ABCA1: variants seen among roughly 807,000 people sequenced by gnomAD.
The protein encoded by ABCA1 is phospholipid-transporting ATPase ABCA1.
A neutral mutation model predicts 262.5 loss-of-function variants in ABCA1; 133 were observed. That is an observed-to-expected ratio of 0.51 (90% CI 0.44 to 0.59). The LOEUF (loss-of-function observed/expected upper bound fraction) is 0.59. ABCA1 is among the 20% of genes least tolerant of loss of function. ABCA1 has a pLI of 0.00. For missense variants in ABCA1, 2,452 were observed against 2,777.5 expected (o/e 0.88, Z 2.63); for synonymous variants, 1,022 against 1,043.5 (o/e 0.98, Z 0.40).
At chr9:104,833,572 G>T (rs1833536806) in intron 11 of ABCA1, among the ~76,000 whole-genome samples, 1 of 152,184 alleles carries the variant, frequency 6.6e-6, no homozygotes, top group African/African-American at 2.4e-5. Context: ...CTATTAAGTA[G>T]CAAAGCCAGA....
At position 104,796,104 on chromosome 9, in the gene ABCA1, A is replaced by G; in HGVS notation, c.5331T>C (p.Ile1777=). 1 of 1,613,576 alleles carries G rather than the reference A, an allele frequency of 6.2e-7. No individual in the cohort carries two copies. The highest frequency in any genetic ancestry group is 8.5e-7 in the Non-Finnish European group (1 of 1,180,020). ...YVVLTSVNLF[I]GINGSVATFV... ...AGGTGGCCACGCTGCCATTAATGCC[A>G]ATGAAGAGGTTCACGCTGGTGAGCA... Residue 1777 remains isoleucine, a synonymous_variant, in exon 39 of 50, where the codon ATT becomes ATC. Transcript: ENST00000374736.
chr9:104,861,587 T>C (rs913958224), intron 6 of ABCA1, 92 bp downstream of exon 6: 8 of 1,545,968 alleles, frequency 5.2e-6, no homozygotes, highest in Non-Finnish European at 7.1e-6. Context: ...TTCACCACCA[T>C]TACAAGGACA....
At chr9:104,825,438 A>G (rs889974310) in intron 17 of ABCA1, among the ~76,000 whole-genome samples, 1 of 152,262 alleles carries the variant, frequency 6.6e-6, no homozygotes, top group Non-Finnish European at 1.5e-5. Context: ...TGAGAATTAA[A>G]TGAAGCAATG....
In ABCA1 at chr9:104,831,027, T is replaced by C. The variant is rs2853578; in HGVS notation, c.1790A>G (p.Gln597Arg). 10 of 1,613,630 alleles carry C rather than the reference T, an allele frequency of 6.2e-6. No homozygotes were observed. Among genetic ancestry groups the C allele is most frequent in the Non-Finnish European group, 7.6e-6 (9 of 1,179,980 alleles). Residue 597 changes from glutamine (Q) to arginine (R), a missense_variant, in exon 14 of 50, where the codon CAG becomes CGG. Gln to Arg is a conservative substitution (Grantham distance 43). This residue lies in a region of ABCA1 where 1,032 missense variants were observed against 1,089.7 expected (regional missense o/e 0.95). Coordinates refer to ENST00000374736, the MANE Select transcript of ABCA1 (RefSeq NM_005502.4). ...GATGATTGCCTGCTCCACCACATCC[T>C]GCAAGTAGGCGAAGCCCCCCCAGAC... ...RYVWGGFAYL[Q>R]DVVEQAIIRV...
At position 104,803,313 on chromosome 9, in the gene ABCA1, T is replaced by C. The variant is rs1830496670; in HGVS notation, c.4563A>G (p.Leu1521=). The C allele has an allele frequency of 3.1e-6, 5 of 1,614,166 alleles. No homozygotes were observed. The East Asian group carries it at 8.9e-5, about 29-fold the overall frequency. The change falls in exon 33 of 50, where the codon TTA becomes TTG. Residue 1521 remains leucine, a synonymous_variant. Coordinates refer to ENST00000374736, the MANE Select transcript of ABCA1 (RefSeq NM_005502.4). The part of the protein sequence containing the change: ...KTYVQIIAKS[L]KNKIWVNEFR... ...ACTCATTCACCCAGATCTTGTTCTT[T>C]AAGCTGCAGAGACAAAGAAACAAAA... is the stretch of plus-strand genomic sequence containing the variant.
At chr9:104,829,194 G>T in intron 14 of ABCA1, 56 bp from the exon 15 acceptor site, 1 of 1,579,108 alleles carries the variant, frequency 6.3e-7, no homozygotes. Context: ...GAGCCAGGGT[G>T]ATGGGCCAAG....
chr9:104,790,758 T>C (rs1829356403), intron 44 of ABCA1, among the ~76,000 whole-genome samples, 164 bp downstream of exon 44: 1 of 152,242 alleles, frequency 6.6e-6, no homozygotes, highest in African/African-American at 2.4e-5. Flanking sequence ...TATCTCTAGA[T>C]ATTGAAATCA....
chr9:104,818,673 T>G lies in ABCA1; in HGVS notation c.3452A>C (p.Tyr1151Ser). The G allele has an allele frequency of 6.2e-7, 1 of 1,613,008 alleles. No individual in the cohort carries two copies. The highest frequency in any genetic ancestry group is 8.5e-7 in the Non-Finnish European group (1 of 1,180,006). The change falls in exon 23 of 50, where the codon TAC becomes TCC. Residue 1151 changes from tyrosine to serine, a missense_variant. Physicochemically the swap from Tyr to Ser is moderately radical, Grantham distance 144 (BLOSUM62 -2). Coordinates refer to ENST00000374736, the MANE Select transcript of ABCA1 (RefSeq NM_005502.4). Reference protein sequence around the residue: ...SCRNSSSTVSYLKKEDSVSQS... With the variant: ...SCRNSSSTVSSLKKEDSVSQS... ...AAGACTGCAGCTCACCTTTTTCAGG[T>G]ATGACACAGTGCTACTACTGTTTCT...
At chr9:104,805,601 G>T (rs549850907) in intron 31 of ABCA1, among the ~76,000 whole-genome samples, 19 of 152,280 alleles carry the variant, frequency 1.2e-4, no homozygotes, top group African/African-American at 4.6e-4. Context: ...GGAGTTTTCT[G>T]GTCCAGCCTC....
In ABCA1 at chr9:104,817,351, C is replaced by T. The variant is rs33918808; in HGVS notation, c.3516G>A (p.Glu1172=). 1 of 1,614,146 alleles carries T rather than the reference C, an allele frequency of 6.2e-7. No individual in the cohort carries two copies. Among genetic ancestry groups the T allele is most frequent in the South Asian group, 1.1e-5 (1 of 91,086 alleles). ...CCTTACCGATGGTCAGCGTGTCACT[C>T]TCATGGTCGCTGCCCAGGCCAGCAT... ...SSDAGLGSDH[E]SDTLTIDVSA... The change falls in exon 24 of 50, where the codon GAG becomes GAA. Residue 1172 remains glutamate, a synonymous_variant. Transcript: ENST00000374736. The surrounding 1 kb of genome is among the most constrained non-coding windows in gnomAD (Gnocchi z 4.7).
chr9:104,819,564 A>G (rs767222885), intron 22 of ABCA1, 22 bp downstream of exon 22: 1 of 1,613,926 alleles, frequency 6.2e-7, no homozygotes, highest in African/African-American at 1.3e-5. Context: ...CCATTTACTC[A>G]GAATAAATAC....
chr9:104,869,031 G>GA (rs34650643), intron 5 of ABCA1, among the ~76,000 whole-genome samples: 23,637 of 151,824 alleles, frequency 0.16, 2,031 homozygotes, highest in Middle Eastern at 0.25. Flanking sequence ...GGGAGGCTGG[G>GA]AAAGAAGGAG....
At chr9:104,860,260 T>C (rs952937773) in intron 6 of ABCA1, among the ~76,000 whole-genome samples, 4 of 152,100 alleles carry the variant, frequency 2.6e-5, no homozygotes, top group Non-Finnish European at 5.9e-5. Flanking sequence ...ATCTCCATGC[T>C]TAGGATGCCC....
chr9:104,888,911 T>C (rs1310803488), intron 3 of ABCA1, among the ~76,000 whole-genome samples, 191 bp downstream of exon 3: 2 of 152,248 alleles, frequency 1.3e-5, no homozygotes, highest in Non-Finnish European at 2.9e-5. Flanking sequence ...ATTATCACCA[T>C]TCACTAGGAC....
chr9:104,786,966 G>T lies in ABCA1; in HGVS notation c.6215C>A (p.Thr2072Asn). The change falls in exon 47 of 50, where the codon ACC (threonine) becomes AAC (asparagine). Residue 2072 changes from threonine (T) to asparagine (N), a missense_variant. Physicochemically the swap from Thr to Asn is moderately conservative, Grantham distance 65. Transcript: ENST00000374736. ...GPPVVFLDEP[T>N]TGMDPKARRF... ...CCGGGCTTTGGGATCCATGCCTGTG[G>T]TGGGTTCATCCTGTAATTAGAATAA... is the stretch of plus-strand genomic sequence containing the variant. The T allele has an allele frequency of 6.2e-7, 1 of 1,613,958 alleles. No individual in the cohort carries two copies.
chr9:104,811,979 T>C (rs1477468320), intron 28 of ABCA1, among the ~76,000 whole-genome samples: 1 of 152,240 alleles, frequency 6.6e-6, no homozygotes, highest in Non-Finnish European at 1.5e-5. Context: ...CTTGATTTTA[T>C]AGAGTGAAAA....
chr9:104,823,033 C>T (rs1015048358), intron 18 of ABCA1, among the ~76,000 whole-genome samples: 1 of 150,078 alleles, frequency 6.7e-6, no homozygotes, highest in Non-Finnish European at 1.5e-5. Flanking sequence ...ACACACACAA[C>T]TTGGATAGAT....
At position 104,783,629 on chromosome 9, in the gene ABCA1, C is replaced by T. The variant is rs1457686074; in HGVS notation, c.*686G>A. On this transcript the variant is annotated 3_prime_UTR_variant, in exon 50 of 50. Coordinates refer to ENST00000374736, the MANE Select transcript of ABCA1 (RefSeq NM_005502.4). The stretch of plus-strand genomic sequence containing the variant: ...ACCAAGTTTCCCGTGCCTGGAGACA[C>T]CCACATTTTTGTTGCATGTTACTGC... 6.6e-6 allele frequency: 1 copy of T among 152,412 alleles called. No individual in the cohort carries two copies. The highest frequency in any genetic ancestry group is 2.4e-5 in the African/African-American group (1 of 41,428). 9.4% of individuals were successfully genotyped at this position (152,412 alleles called of 1,614,324 possible). A position where few individuals can be genotyped will look rare whatever the true frequency, so the allele number is the denominator to read the frequency against.
rs77425484 is a variant in ABCA1 at position 104,916,329 on chromosome 9, C to G, written c.-93+11606G>C. Among the ~76,000 whole-genome samples the G allele has an allele frequency of 9.8e-3, 1,490 of 152,246 alleles. 23 individuals carry two copies. Among genetic ancestry groups the G allele is most frequent in the African/African-American group, 0.034 (1,393 of 41,534 alleles). On this transcript the variant is annotated intron_variant, in intron 1 of 49. Coordinates refer to ENST00000374736, the MANE Select transcript of ABCA1 (RefSeq NM_005502.4). ...AACCCTCAACATTCAGGATTTTGTT[C>G]TGATTCAAACTTACAAAGAACAATT...
Sources: allele counts gnomAD v4.1 joint callset (sites outside exome capture counted in the v4.1 genomes callset), GRCh38; gene constraint gnomAD v4.1.1; regional missense constraint gnomAD v4.1.1; non-coding constraint Gnocchi (gnomAD v3.1); transcripts MANE v1.5; gene names NCBI Gene and HGNC (gene_info 2026-07-23, HGNC 2026-07-21).